Variants in SPINK5 observed in about 807,000 individuals in gnomAD.
The protein encoded by SPINK5 is serine peptidase inhibitor Kazal type 5.
A neutral mutation model predicts 151.8 loss-of-function variants in SPINK5; 125 were observed. The observed-to-expected ratio is 0.82, with a 90% CI of 0.71 to 0.96. The LOEUF is 0.96. SPINK5 is among the 40% of genes least tolerant of loss of function. The pLI is 0.00. For missense variants in SPINK5, 1,194 were observed against 1,291.9 expected (o/e 0.92, Z 1.16); for synonymous variants, 374 against 395.3 (o/e 0.95, Z 0.64).
intron 2 of SPINK5, among the ~76,000 whole-genome samples, chr5:148,066,445 G>A (rs572377456): frequency 6.6e-6 from 1 of 152,198 alleles, no homozygotes; most frequent in South Asian, 2.1e-4. Flanking sequence ...GAATAAAAAT[G>A]TGAAACAGCT....
At chr5:148,123,521 G>GTGTGTGTA (rs1328976077) in intron 26 of SPINK5, among the ~76,000 whole-genome samples, 1 of 25,016 alleles carries the variant, frequency 4.0e-5, no homozygotes, top group African/African-American at 8.0e-5. Context: ...CAATATATGT[G>GTGTGTGTA]TATATATATA....
At chr5:148,136,392 A>G (rs951755377) in intron 32 of SPINK5, among the ~76,000 whole-genome samples, 1 of 152,140 alleles carries the variant, frequency 6.6e-6, no homozygotes, top group African/African-American at 2.4e-5. Context: ...GTTTGGAATG[A>G]CAGTGCTGCT....
chr5:148,125,045 G>A, intron 28 of SPINK5: 1 of 670,072 alleles, frequency 1.5e-6, no homozygotes, highest in Non-Finnish European at 2.2e-6. Flanking sequence ...AATTCTCTGA[G>A]AGTGTGTGTC....
chr5:148,099,268 G>C lies in SPINK5; in HGVS notation c.1045G>C (p.Ala349Pro). The C allele has an allele frequency of 6.2e-7, 1 of 1,612,138 alleles. No homozygotes were observed. The highest frequency in any genetic ancestry group is 8.5e-7 in the Non-Finnish European group (1 of 1,178,970). ...AAATGAAGAAAAGAAAAAGGCTGAA[G>C]CACGAGCTAGAAACAAAAGAGAATC... ...AENEEKKKAEARARNKRESGK... is the reference protein window; with the variant it reads ...AENEEKKKAEPRARNKRESGK... Residue 349 changes from alanine to proline, a missense_variant, in exon 12 of 33, where the codon GCA becomes CCA. Physicochemically the swap from Ala to Pro is conservative, Grantham distance 27. Coordinates refer to ENST00000256084, the MANE Select transcript of SPINK5 (RefSeq NM_006846.4).
intron 15 of SPINK5, 32 bp downstream of exon 15, chr5:148,101,940 G>A (rs1753658747): frequency 6.2e-7 from 1 of 1,612,856 alleles, no homozygotes; most frequent in East Asian, 2.2e-5. Context: ...TAGCGTCTGA[G>A]GATTGAGCAG....
At chr5:148,087,657 A>G (rs1753196448) in intron 5 of SPINK5, among the ~76,000 whole-genome samples, 1 of 151,798 alleles carries the variant, frequency 6.6e-6, no homozygotes, top group Admixed American at 6.6e-5. Flanking sequence ...TATATATTTA[A>G]TTCTTACTGT....
chr5:148,095,679 T>C, intron 9 of SPINK5, 139 bp from the exon 10 acceptor site: 1 of 701,640 alleles, frequency 1.4e-6, no homozygotes, highest in Non-Finnish European at 2.5e-6. Flanking sequence ...TTAAAGGGTC[T>C]TTTTGGGGAT....
intron 3 of SPINK5, among the ~76,000 whole-genome samples, chr5:148,071,488 A>G (rs540499099): frequency 8.5e-5 from 13 of 152,170 alleles, no homozygotes; most frequent in Non-Finnish European, 8.8e-5. Context: ...TATATTATTT[A>G]TTATAAAATT....
chr5:148,125,843 G>A lies in SPINK5; in HGVS notation c.2860G>A (p.Ala954Thr). The A allele has an allele frequency of 2.5e-6, 4 of 1,614,184 alleles. No homozygotes were observed. The highest frequency in any genetic ancestry group is 2.2e-5 in the East Asian group (1 of 44,888). Residue 954 changes from alanine (A) to threonine (T), a missense_variant, in exon 29 of 33, where the codon GCT becomes ACT. Physicochemically the swap from Ala to Thr is moderately conservative, Grantham distance 58. Transcript: ENST00000256084. Reference protein sequence around the residue: ...FYTNKCYMCRAVFLTEALERA... With the variant: ...FYTNKCYMCRTVFLTEALERA... ...TACAAACAAGTGCTACATGTGCAGA[G>A]CTGTCTTGTGAGTAAGAGGATTCTG...
intron 31 of SPINK5, among the ~76,000 whole-genome samples, chr5:148,132,865 T>C (rs1754606280): frequency 1.3e-5 from 2 of 152,180 alleles, no homozygotes; most frequent in South Asian, 4.1e-4. Context: ...GTAGACCTTA[T>C]AGGTTTTTAA....
At chr5:148,109,317 T>C (rs1753860645) in intron 18 of SPINK5, among the ~76,000 whole-genome samples, 1 of 152,146 alleles carries the variant, frequency 6.6e-6, no homozygotes, top group Non-Finnish European at 1.5e-5. Context: ...CAATGATAAT[T>C]GTACATTCGT....
intron 22 of SPINK5, among the ~76,000 whole-genome samples, chr5:148,117,757 G>A (rs1561699643): frequency 6.6e-6 from 1 of 152,120 alleles, no homozygotes; most frequent in South Asian, 2.1e-4. Flanking sequence ...TTTTGTATAG[G>A]TGAGTTGTAC....
At chr5:148,085,233 G>C (rs898512450) in intron 4 of SPINK5, among the ~76,000 whole-genome samples, 54 of 151,744 alleles carry the variant, frequency 3.6e-4, no homozygotes, top group African/African-American at 1.3e-3. Context: ...TTCTCAACCT[G>C]ATCTTCTGTA....
intron 7 of SPINK5, among the ~76,000 whole-genome samples, chr5:148,089,857 T>C (rs1753264040): frequency 6.6e-6 from 1 of 151,880 alleles, no homozygotes; most frequent in Non-Finnish European, 1.5e-5. Context: ...AAGACTCTCA[T>C]TTCTTTTAAA....
intron 3 of SPINK5, among the ~76,000 whole-genome samples, chr5:148,071,666 GA>G (rs1752740676): frequency 1.3e-5 from 1 of 78,760 alleles, no homozygotes; most frequent in East Asian, 5.9e-4. Context: ...AATTATGTTA[GA>G]ATAAAATTTT....
At position 148,112,944 on chromosome 5, in the gene SPINK5, C is replaced by G. The variant is rs1437010002; in HGVS notation, c.1887+10C>G. The G allele has an allele frequency of 1.2e-6, 2 of 1,613,438 alleles. No homozygotes were observed. Among genetic ancestry groups the G allele is most frequent in the Admixed American group, 1.7e-5 (1 of 59,930 alleles). On this transcript the variant is annotated intron_variant, in intron 20 of 32. Coordinates refer to ENST00000256084, the MANE Select transcript of SPINK5 (RefSeq NM_006846.4). Reference sequence around the variant, plus strand: ...AAGAGAAGCTGAAAAGGTAGTAATCCTGAATGTTTATACTGCAATGAAAGG... The same window carrying G: ...AAGAGAAGCTGAAAAGGTAGTAATCGTGAATGTTTATACTGCAATGAAAGG...
chr5:148,114,926 T>G (rs1754046290), intron 21 of SPINK5, among the ~76,000 whole-genome samples: 1 of 152,214 alleles, frequency 6.6e-6, no homozygotes, highest in South Asian at 2.1e-4. Flanking sequence ...ACCTAGAATA[T>G]TTAAGTCCTT....
intron 1 of SPINK5, among the ~76,000 whole-genome samples, chr5:148,064,819 T>A (rs1752535552): frequency 3.9e-5 from 6 of 152,156 alleles, no homozygotes; most frequent in Admixed American, 3.9e-4. Context: ...TGAGAGAGTA[T>A]AATAGCCTGT....
At chr5:148,083,961 A>T (rs1329244402) in intron 4 of SPINK5, among the ~76,000 whole-genome samples, 1 of 151,724 alleles carries the variant, frequency 6.6e-6, no homozygotes, top group African/African-American at 2.4e-5. Context: ...ATTTATTATC[A>T]TTTGAATATT....
Sources: gnomAD v4.1 joint callset for allele counts (sites outside exome capture counted in the v4.1 genomes callset) on GRCh38, gnomAD v4.1.1 for gene constraint, MANE v1.5 for transcripts, NCBI Gene and HGNC (gene_info 2026-07-23, HGNC 2026-07-21) for gene names.